Variants in KAT14 observed in about 807,000 individuals in gnomAD.
KAT14 encodes the protein lysine acetyltransferase 14.
A neutral mutation model predicts 78.4 loss-of-function variants in KAT14; 66 were observed. The observed-to-expected ratio is 0.84, with a 90% confidence interval of 0.69 to 1.03. The LOEUF (loss-of-function observed/expected upper bound fraction) is 1.03, where lower values mean the gene tolerates loss of function less well. Among genes scored for constraint, KAT14 ranks in the 50% least tolerant of loss-of-function variants. The probability of loss-of-function intolerance (pLI) is 0.00; values close to 1 mark genes in which losing one functional copy is unlikely to be tolerated. For synonymous variants in KAT14, 344 were observed against 359.4 expected, an observed-to-expected ratio of 0.96 and a Z score of 0.48; for missense variants, 870 against 972.5, an observed-to-expected ratio of 0.89 and a Z score of 1.40.
Position 18,142,723 on chromosome 20 carries a change from A to C in KAT14, c.63A>C (p.Thr21=). ...ISRHDDEATR[T]STSEGLEEGE... is the part of the protein sequence containing the mutation. ...GGCATGATGACGAAGCCACGAGAACATCGACCTCAGAAGGACTGGAGGAAG... is the reference window on the plus strand; with the variant it reads ...GGCATGATGACGAAGCCACGAGAACCTCGACCTCAGAAGGACTGGAGGAAG... The change falls in exon 2 of 11, where the codon ACA becomes ACC. Residue 21 remains threonine (T), a synonymous_variant. Coordinates refer to ENST00000688188, the MANE Select transcript of KAT14 (RefSeq NM_001392073.1). 6.2e-7 allele frequency: 1 copy of C among 1,614,234 alleles called. No homozygotes were observed. The highest frequency in any genetic ancestry group is 2.2e-5 in the East Asian group (1 of 44,880).
Position 18,142,445 on chromosome 20 carries a change from T to C in KAT14, c.-216T>C, listed in dbSNP as rs1488548815. On this transcript the variant is annotated 5_prime_UTR_variant, in exon 2 of 11. Coordinates refer to ENST00000688188, the MANE Select transcript of KAT14 (RefSeq NM_001392073.1). ...TAGCTTAGTAGTATCTTCATCTTTTTTTTTGGTCACTGTCCTTTTAAACTT... is the reference window on the plus strand; with the variant it reads ...TAGCTTAGTAGTATCTTCATCTTTTCTTTTGGTCACTGTCCTTTTAAACTT... 6.8e-7 allele frequency: 1 copy of C among 1,462,570 alleles called. No individual in the cohort carries two copies. The highest frequency in any genetic ancestry group is 9.0e-7 in the Non-Finnish European group (1 of 1,113,432). 90.6% of individuals were successfully genotyped at this position (1,462,570 alleles called of 1,614,324 possible). A position where few individuals can be genotyped will look rare whatever the true frequency, so the allele number is the denominator to read the frequency against.
chr20:18,158,825 A>C (rs1488532261), intron 4 of KAT14, among the ~76,000 whole-genome samples: 1 of 152,208 alleles, frequency 6.6e-6, no homozygotes, highest in Non-Finnish European at 1.5e-5. Context: ...TATTGCATTT[A>C]ATCCTCACAG....
intron 1 of KAT14, 122 bp from the exon 2 acceptor site, chr20:18,142,086 G>A: frequency 1.0e-6 from 1 of 982,802 alleles, no homozygotes; most frequent in Non-Finnish European, 1.4e-6. Context: ...AATAGTAACT[G>A]GGTATTTGGA....
At chr20:18,150,413 T>G (rs1009500204) in intron 3 of KAT14, among the ~76,000 whole-genome samples, 2 of 152,206 alleles carry the variant, frequency 1.3e-5, no homozygotes, top group East Asian at 3.8e-4. Context: ...CAGAAAATGC[T>G]GGCTGGAGTA....
intron 1 of KAT14, 107 bp downstream of exon 1, chr20:18,138,158 C>T: frequency 7.5e-6 from 10 of 1,337,736 alleles, no homozygotes; most frequent in South Asian, 1.8e-5. Context: ...CGTGTCTTTC[C>T]CCCGCGGTGG....
At chr20:18,185,220 G>T (rs1280839828) in intron 10 of KAT14, among the ~76,000 whole-genome samples, 1 of 152,078 alleles carries the variant, frequency 6.6e-6, no homozygotes, top group Non-Finnish European at 1.5e-5. Flanking sequence ...ATAAGAATAT[G>T]TATATATTTT....
At chr20:18,187,163 C>T (rs2039475372) in intron 10 of KAT14, 123 bp from the exon 11 acceptor site, 1 of 1,290,880 alleles carries the variant, frequency 7.7e-7, no homozygotes, top group African/African-American at 1.5e-5. Context: ...AATGTCTCAG[C>T]CTCAGTCTCT....
At position 18,162,753 on chromosome 20, in the gene KAT14, C is replaced by CA. The variant is rs1568668832; in HGVS notation, c.1479dup (p.Leu494ThrfsTer10). ...CTCCGGAAGCTCGGAGACTGAAACGCAAACTGATTGTCAGACAAGCGAAAA... is the reference window on the plus strand; with the variant it reads ...CTCCGGAAGCTCGGAGACTGAAACGCAAAACTGATTGTCAGACAAGCGAAAA... On this transcript the variant is annotated frameshift_variant, in exon 7 of 11. Coordinates refer to ENST00000688188, the MANE Select transcript of KAT14 (RefSeq NM_001392073.1). LOFTEE classifies it high-confidence loss of function. 18 of 1,614,208 alleles carry CA rather than the reference C, an allele frequency of 1.1e-5. No homozygotes were observed. The highest frequency in any genetic ancestry group is 1.4e-5 in the Non-Finnish European group (16 of 1,180,044).
chr20:18,171,070 A>G (rs2038828131), intron 7 of KAT14, among the ~76,000 whole-genome samples: 1 of 152,234 alleles, frequency 6.6e-6, no homozygotes, highest in Non-Finnish European at 1.5e-5. Context: ...GGGCAAAGAC[A>G]TTGAAAACCT....
At chr20:18,146,667 A>C (rs898399474) in intron 3 of KAT14, among the ~76,000 whole-genome samples, 5 of 151,786 alleles carry the variant, frequency 3.3e-5, no homozygotes, top group African/African-American at 1.2e-4. Context: ...CTCAAAAAAA[A>C]CCAAAAAAAC....
chr20:18,181,760 G>C lies in KAT14; in HGVS notation c.1719G>C (p.Leu573Phe). Residue 573 changes from leucine to phenylalanine, a missense_variant, in exon 8 of 11, where the codon TTG becomes TTC. Transcript: ENST00000688188. ...KGFRHQTTKF[L>F]YRLVGSEDMA... The stretch of plus-strand genomic sequence containing the variant: ...TTCGACACCAGACCACCAAGTTTTT[G>C]TATCGCTTGGTAGGATCAGAAGATA... 6.2e-7 allele frequency: 1 copy of C among 1,614,186 alleles called. No individual in the cohort carries two copies. The highest frequency in any genetic ancestry group is 1.3e-5 in the African/African-American group (1 of 75,058).
intron 7 of KAT14, among the ~76,000 whole-genome samples, chr20:18,166,078 T>A (rs944164788): frequency 6.6e-6 from 1 of 152,130 alleles, no homozygotes; most frequent in Non-Finnish European, 1.5e-5. Context: ...AAATAGATAA[T>A]CGGTGCTGCG....
chr20:18,161,253 T>C (rs1041008055), intron 5 of KAT14, among the ~76,000 whole-genome samples: 3 of 151,196 alleles, frequency 2.0e-5, no homozygotes, highest in African/African-American at 7.3e-5. Context: ...TTATCAAACT[T>C]TTTTTTTGGC....
At chr20:18,141,486 GTGTTTAT>G (rs1238268289) in intron 1 of KAT14, among the ~76,000 whole-genome samples, 1 of 152,078 alleles carries the variant, frequency 6.6e-6, no homozygotes, top group Non-Finnish European at 1.5e-5. Context: ...TTTTCTGTTG[GTGTTTAT>G]TGTTCAGCTA....
In KAT14 at chr20:18,187,964, C is replaced by T. The variant is rs1231098674; in HGVS notation, c.*505C>T. The T allele has an allele frequency of 6.4e-6, 1 of 155,174 alleles. No individual in the cohort carries two copies. Among genetic ancestry groups the T allele is most frequent in the Non-Finnish European group, 1.4e-5 (1 of 69,996 alleles). The allele number at this position is 155,174 out of a possible 1,614,324, so 9.6% of individuals were successfully genotyped here. Reference sequence around the variant, plus strand: ...ATTGAATCCAGGAGGATTTCTAGGGCACTGAAGTTTTGTTGTTTCTTTTGC... The same window carrying T: ...ATTGAATCCAGGAGGATTTCTAGGGTACTGAAGTTTTGTTGTTTCTTTTGC... On this transcript the variant is annotated 3_prime_UTR_variant, in exon 11 of 11. Coordinates refer to ENST00000688188, the MANE Select transcript of KAT14 (RefSeq NM_001392073.1).
intron 7 of KAT14, among the ~76,000 whole-genome samples, chr20:18,170,119 A>G (rs1187604250): frequency 6.6e-6 from 1 of 152,254 alleles, no homozygotes; most frequent in African/African-American, 2.4e-5. Context: ...AAAGAGTGCA[A>G]GTTAAAGCAG....
At chr20:18,150,800 C>G in intron 3 of KAT14, 21 bp from the exon 4 acceptor site, 2 of 1,613,958 alleles carry the variant, frequency 1.2e-6, no homozygotes, top group Non-Finnish European at 8.5e-7. Context: ...TCTCCCACCT[C>G]TTGTTTCAAT....
intron 5 of KAT14, among the ~76,000 whole-genome samples, chr20:18,161,295 T>TC (rs1244617232): frequency 1.3e-5 from 2 of 152,000 alleles, no homozygotes; most frequent in African/African-American, 2.4e-5. Context: ...AGGCTCAAAA[T>TC]CCACCCACCT....
At chr20:18,161,032 G>A (rs2038400128) in intron 5 of KAT14, among the ~76,000 whole-genome samples, 1 of 151,918 alleles carries the variant, frequency 6.6e-6, no homozygotes, top group Non-Finnish European at 1.5e-5. Flanking sequence ...AAATCAGCCG[G>A]GCGTGATGGC....
Sources: allele counts gnomAD v4.1 joint callset (sites outside exome capture counted in the v4.1 genomes callset), GRCh38; gene constraint gnomAD v4.1.1; transcripts MANE v1.5; gene names NCBI Gene and HGNC (gene_info 2026-07-23, HGNC 2026-07-21).